Variants in STAM2 observed in about 807,000 individuals in gnomAD.
STAM2 encodes the protein signal transducing adapter molecule 2.
STAM2 carries 51 observed loss-of-function variants against 65.6 expected under a neutral mutation model. That is an observed-to-expected ratio of 0.78 (90% CI 0.62 to 0.98). STAM2 has a LOEUF of 0.98. Among genes scored for constraint, STAM2 ranks in the 50% least tolerant of loss-of-function variants. STAM2 has a pLI of 0.00. For missense variants in STAM2, 584 were observed against 617.8 expected (o/e 0.95, Z 0.58); for synonymous variants, 198 against 208.4 (o/e 0.95, Z 0.43).
Position 152,117,879 on chromosome 2 carries a change from C to T in STAM2, c.*2695G>A, listed in dbSNP as rs1040506227. 6.6e-6 allele frequency: 1 copy of T among 152,070 alleles called. No homozygotes were observed. The highest frequency in any genetic ancestry group is 6.5e-5 in the Admixed American group (1 of 15,268). 9.4% of individuals were successfully genotyped at this position (152,070 alleles called of 1,614,324 possible). A position where few individuals can be genotyped will look rare whatever the true frequency, so the allele number is the denominator to read the frequency against. On this transcript the variant is annotated 3_prime_UTR_variant, in exon 14 of 14. Transcript: ENST00000263904. ...GTATCAATTATTTCAAACAGCATGA[C>T]AATTTAACTACAAATAATTTCAAAT...
At chr2:152,162,704 C>T (rs1305160297) in intron 1 of STAM2, among the ~76,000 whole-genome samples, 5 of 152,120 alleles carry the variant, frequency 3.3e-5, no homozygotes, top group East Asian at 1.9e-4. Flanking sequence ...TATAGTGGCG[C>T]GATCTTGGCT....
rs1457037925 is a variant in STAM2, at chr2:152,118,191, A to T, written c.*2383T>A. 6.6e-6 allele frequency: 1 copy of T among 152,020 alleles called. No homozygotes were observed. Among genetic ancestry groups the T allele is most frequent in the African/African-American group, 2.4e-5 (1 of 41,448 alleles). The allele number at this position is 152,020 out of a possible 1,614,324, so 9.4% of individuals were successfully genotyped here. A position where few individuals can be genotyped will look rare whatever the true frequency, so the allele number is the denominator to read the frequency against. The stretch of plus-strand genomic sequence containing the variant: ...CCAATGTAGAAATCTGAAGTTAGAC[A>T]ATTCCCTTTGGCAGAAAACAATTAT... On this transcript the variant is annotated 3_prime_UTR_variant, in exon 14 of 14. Coordinates refer to ENST00000263904, the MANE Select transcript of STAM2 (RefSeq NM_005843.6).
At chr2:152,147,954 CAT>C (rs550600693) in intron 4 of STAM2, 68 bp downstream of exon 4, 1 of 1,105,640 alleles carries the variant, frequency 9.0e-7, no homozygotes, top group South Asian at 1.4e-5. Flanking sequence ...AGTAATGCCA[CAT>C]ATAGTTATAA....
At chr2:152,142,267 T>C (rs1468559774) in intron 7 of STAM2, among the ~76,000 whole-genome samples, 2 of 152,222 alleles carry the variant, frequency 1.3e-5, no homozygotes, top group Admixed American at 1.3e-4. Flanking sequence ...AAATCTTAAC[T>C]GAAAATTGTT....
At position 152,120,752 on chromosome 2, in the gene STAM2, T is replaced by A; in HGVS notation, c.1400A>T (p.Asn467Ile). 1 of 1,614,164 alleles carries A rather than the reference T, an allele frequency of 6.2e-7. No homozygotes were observed. The highest frequency in any genetic ancestry group is 8.5e-7 in the Non-Finnish European group (1 of 1,180,020). ...SNPTYMNQNS[N>I]LQSATGTTAY... ...AGTTGTACCAGTAGCTGACTGTAGG[T>A]TAGAGTTCTGGTTCATATAAGTAGG... Residue 467 changes from asparagine (N) to isoleucine (I), a missense_variant, in exon 14 of 14, where the codon AAC (asparagine) becomes ATC (isoleucine). Transcript: ENST00000263904.
At chr2:152,161,221 CAT>C (rs1342472166) in intron 1 of STAM2, among the ~76,000 whole-genome samples, 4 of 151,476 alleles carry the variant, frequency 2.6e-5, no homozygotes, top group Admixed American at 6.6e-5. Flanking sequence ...CTCTCTGAAA[CAT>C]GTGCTGTGTC....
intron 8 of STAM2, 152 bp downstream of exon 8, chr2:152,135,357 T>G: frequency 1.6e-6 from 1 of 606,866 alleles, no homozygotes; most frequent in South Asian, 2.0e-5. Flanking sequence ...AACCCCTTAA[T>G]TTGGTTAAAA....
At position 152,151,314 on chromosome 2, in the gene STAM2, T is replaced by C. The variant is rs569094056; in HGVS notation, c.41-1085A>G. On this transcript the variant is annotated intron_variant, in intron 1 of 13. Transcript: ENST00000263904. ...CTCCTGCCTCAGCCGCCTGAGTAGC[T>C]GAGACTACAGGCGCCTGCCACCACA... is the stretch of plus-strand genomic sequence containing the variant. Among the ~76,000 whole-genome samples the C allele has an allele frequency of 7.2e-5, 11 of 152,146 alleles. No individual in the cohort carries two copies. In the East Asian group the frequency reaches 1.9e-3, roughly 27 times the overall value.
chr2:152,128,399 C>T (rs986753765), intron 11 of STAM2, among the ~76,000 whole-genome samples: 4 of 151,094 alleles, frequency 2.6e-5, no homozygotes, highest in Admixed American at 6.6e-5. Context: ...GGCAACAGAG[C>T]GAGACTCTGT....
chr2:152,122,070 ATATATATGTG>A (rs145516037), intron 13 of STAM2, among the ~76,000 whole-genome samples: 16 of 112,316 alleles, frequency 1.4e-4, no homozygotes, highest in Non-Finnish European at 3.2e-4. Flanking sequence ...ATATATATAT[ATATATATGTG>A]TGTGTGTGTG....
intron 1 of STAM2, among the ~76,000 whole-genome samples, chr2:152,159,124 T>G (rs1473661572): frequency 3.4e-5 from 5 of 145,784 alleles, no homozygotes; most frequent in African/African-American, 1.0e-4. Context: ...CACACAGATA[T>G]ATATAATTTT....
At chr2:152,135,379 T>C in intron 8 of STAM2, 130 bp downstream of exon 8, 1 of 662,542 alleles carries the variant, frequency 1.5e-6, no homozygotes, top group Non-Finnish European at 2.6e-6. Flanking sequence ...GTAGGTTAGA[T>C]TGTCATGCCT....
Position 152,148,237 on chromosome 2 carries a change from C to T in STAM2, c.189G>A (p.Leu63=), listed in dbSNP as rs1560217694. The T allele has an allele frequency of 1.9e-6, 3 of 1,610,298 alleles. No homozygotes were observed. Among genetic ancestry groups the T allele is most frequent in the Middle Eastern group, 1.7e-4 (1 of 6,050 alleles). ...RVNHKVPHVA[L]QALTLLGACV... is the part of the protein sequence containing the mutation. ...GCCTTGTACTCACAGTTAGTGCTTGCAGAGCAACATGTGGAACCTTATGAT... is the reference window on the plus strand; with the variant it reads ...GCCTTGTACTCACAGTTAGTGCTTGTAGAGCAACATGTGGAACCTTATGAT... The change falls in exon 3 of 14, where the codon CTG becomes CTA. Residue 63 remains leucine (L), a synonymous_variant. Transcript: ENST00000263904.
chr2:152,153,918 A>ACACACACACACACACACACACC (rs1689494121), intron 1 of STAM2, among the ~76,000 whole-genome samples: 1 of 149,108 alleles, frequency 6.7e-6, no homozygotes, highest in Non-Finnish European at 1.5e-5. Context: ...ACACACACAC[A>ACACACACACACACACACACACC]CGCAAAAATA....
At chr2:152,159,904 T>C (rs973395327) in intron 1 of STAM2, among the ~76,000 whole-genome samples, 26 of 152,218 alleles carry the variant, frequency 1.7e-4, no homozygotes, top group Non-Finnish European at 3.7e-4. Flanking sequence ...GGTTTTCCTA[T>C]TTTTTTGGTG....
intron 1 of STAM2, among the ~76,000 whole-genome samples, chr2:152,162,792 C>G (rs1302178496): frequency 1.3e-5 from 2 of 148,406 alleles, no homozygotes; most frequent in African/African-American, 5.1e-5. Context: ...AGGCGCACGC[C>G]ACCATGCCTG....
chr2:152,164,995 T>A (rs1689750652), intron 1 of STAM2, among the ~76,000 whole-genome samples: 2 of 152,058 alleles, frequency 1.3e-5, no homozygotes, highest in African/African-American at 2.4e-5. Flanking sequence ...TCCCCCTAAC[T>A]CCACAAAACG....
chr2:152,151,360 T>C (rs928973098), intron 1 of STAM2, among the ~76,000 whole-genome samples: 8 of 152,042 alleles, frequency 5.3e-5, no homozygotes, highest in African/African-American at 1.9e-4. Flanking sequence ...TCTTGTATTT[T>C]TAGTAGAGAT....
At chr2:152,122,987 C>T (rs940353425) in intron 13 of STAM2, among the ~76,000 whole-genome samples, 1 of 151,648 alleles carries the variant, frequency 6.6e-6, no homozygotes, top group Non-Finnish European at 1.5e-5. Context: ...GGGTGGATAG[C>T]TTGAGACCGG....
Sources: gnomAD v4.1 joint callset for allele counts (sites outside exome capture counted in the v4.1 genomes callset) on GRCh38, gnomAD v4.1.1 for gene constraint, MANE v1.5 for transcripts, NCBI Gene and HGNC (gene_info 2026-07-23, HGNC 2026-07-21) for gene names.